PCDH11X: variants seen among roughly 807,000 people sequenced by gnomAD.
PCDH11X encodes the protein protocadherin-11 X-linked.
A neutral mutation model predicts 53.3 loss-of-function variants in PCDH11X; 18 were observed. The observed-to-expected ratio is 0.34, with a 90% CI of 0.23 to 0.50. PCDH11X has a LOEUF of 0.50. PCDH11X is among the 20% of genes least tolerant of loss of function. PCDH11X has a pLI of 0.98. For synonymous variants in PCDH11X, 279 were observed against 393.3 expected, an observed-to-expected ratio of 0.71 and a Z score of 3.44; for missense variants, 570 against 1,032.4, an observed-to-expected ratio of 0.55 and a Z score of 6.14.
At chrX:91,856,754 A>G (rs919347653) in intron 5 of PCDH11X, among the ~76,000 whole-genome samples, 1 of 110,429 alleles carries the variant, frequency 9.1e-6, no homozygotes, top group Admixed American at 9.7e-5. Context: ...TTCCATCTCC[A>G]CCCATGTTAC....
intron 10 of PCDH11X, among the ~76,000 whole-genome samples, chrX:92,523,268 C>T (rs1231559052): frequency 9.0e-6 from 1 of 111,191 alleles, no homozygotes; most frequent in African/African-American, 3.3e-5. Flanking sequence ...GTACTCAGCC[C>T]ACTGGCTTCT....
intron 7 of PCDH11X, among the ~76,000 whole-genome samples, chrX:92,203,688 G>A (rs2066429266): frequency 8.9e-6 from 1 of 112,073 alleles, no homozygotes; most frequent in African/African-American, 3.2e-5. Flanking sequence ...GAGGATGGAA[G>A]TTTTTAAGGA....
chrX:92,433,451 A>G (rs1318746058), intron 9 of PCDH11X, among the ~76,000 whole-genome samples: 1 of 110,764 alleles, frequency 9.0e-6, no homozygotes, highest in Admixed American at 9.7e-5. Context: ...TTATTAACAG[A>G]AAGTCTTCTG....
At chrX:92,365,024 G>A (rs1301212363) in intron 8 of PCDH11X, among the ~76,000 whole-genome samples, 15 of 77,420 alleles carry the variant, frequency 1.9e-4, no homozygotes, top group Non-Finnish European at 3.4e-4. Flanking sequence ...AATAACTAAT[G>A]CACAAACATT....
rs944212139 is a variant in PCDH11X at position 91,924,679 on chromosome X, T to C, written c.3033+45406T>C. ...ATCCTTGCATCTATCTAGAATCTAT[T>C]GCTGGCTTTGTTTTTTGTGGGACTT... On this transcript the variant is annotated intron_variant, in intron 6 of 10. Coordinates refer to ENST00000682573, the MANE Select transcript of PCDH11X (RefSeq NM_032968.5). Among the ~76,000 whole-genome samples the C allele has an allele frequency of 1.4e-4, 16 of 111,868 alleles. No homozygotes were observed. The Admixed American group carries it at 1.5e-3, about 11-fold the overall frequency.
chrX:92,403,328 C>CTTTTT (rs1569481407), intron 9 of PCDH11X, among the ~76,000 whole-genome samples: 1 of 54,903 alleles, frequency 1.8e-5, no homozygotes. Flanking sequence ...CGGGCATTTA[C>CTTTTT]GTTTTTTTTT....
intron 8 of PCDH11X, among the ~76,000 whole-genome samples, chrX:92,275,866 A>G (rs1464154053): frequency 2.7e-5 from 3 of 110,460 alleles, no homozygotes; most frequent in African/African-American, 6.6e-5. Context: ...TAAGGGGTGC[A>G]TGATCAGTCC....
chrX:91,961,463 C>A (rs1318037131), intron 6 of PCDH11X, among the ~76,000 whole-genome samples: 2 of 110,908 alleles, frequency 1.8e-5, no homozygotes, highest in Non-Finnish European at 3.8e-5. Flanking sequence ...GGCAATGAGG[C>A]AAGAGAAAGA....
chrX:92,300,351 ACT>A (rs1351219089), intron 8 of PCDH11X, among the ~76,000 whole-genome samples: 48 of 110,694 alleles, frequency 4.3e-4, no homozygotes, highest in African/African-American at 1.6e-3. Context: ...GTAAGAAGAC[ACT>A]CTGGCTTTTT....
intron 9 of PCDH11X, among the ~76,000 whole-genome samples, chrX:92,453,112 G>A (rs185650835): frequency 0.017 from 1,742 of 104,727 alleles, 46 homozygotes; most frequent in African/African-American, 0.06. Context: ...AAATGTAACC[G>A]GTAATGACAC....
At chrX:91,874,073 T>A (rs1256879116) in intron 5 of PCDH11X, among the ~76,000 whole-genome samples, 3 of 111,112 alleles carry the variant, frequency 2.7e-5, no homozygotes, top group Non-Finnish European at 3.8e-5. Flanking sequence ...AGTATTGGAA[T>A]GTCAAGGATT....
At chrX:92,602,311 T>C (rs1926325748) in intron 10 of PCDH11X, among the ~76,000 whole-genome samples, 1 of 111,862 alleles carries the variant, frequency 8.9e-6, no homozygotes, top group Non-Finnish European at 1.9e-5. Context: ...AAAATAAAAA[T>C]TACATTAAAA....
intron 9 of PCDH11X, among the ~76,000 whole-genome samples, chrX:92,433,943 T>C (rs1200603017): frequency 7.2e-5 from 8 of 110,373 alleles, no homozygotes; most frequent in South Asian, 3.8e-4. Flanking sequence ...GTAGCCTTCC[T>C]ATAAGCAGAA....
At chrX:92,056,859 T>TA (rs1342194476) in intron 6 of PCDH11X, among the ~76,000 whole-genome samples, 4 of 108,870 alleles carry the variant, frequency 3.7e-5, no homozygotes, top group Non-Finnish European at 7.7e-5. Context: ...CACTTATATG[T>TA]AAAAAACATT....
In PCDH11X at chrX:92,098,900, G is replaced by A. The variant is rs1379673660; in HGVS notation, c.3034-102475G>A. Among the ~76,000 whole-genome samples, 4 of 110,772 alleles carry A rather than the reference G, an allele frequency of 3.6e-5. No homozygotes were observed. In the East Asian group the frequency reaches 1.1e-3, roughly 31 times the overall value. On this transcript the variant is annotated intron_variant, in intron 6 of 10. Transcript: ENST00000682573. The stretch of plus-strand genomic sequence containing the variant: ...AACCTCAGGTGATCAGCCCATCTCA[G>A]CCTCCCAAAGTGCTGGGATTACAGG...
intron 8 of PCDH11X, among the ~76,000 whole-genome samples, chrX:92,274,571 G>C (rs1459398310): frequency 9.0e-6 from 1 of 111,368 alleles, no homozygotes; most frequent in Non-Finnish European, 1.9e-5. Context: ...CGGACATGTT[G>C]AGTAAAGCTA....
intron 8 of PCDH11X, chrX:92,287,852 A>G: frequency 4.3e-6 from 2 of 467,347 alleles, no homozygotes; most frequent in East Asian, 3.8e-5. Context: ...TCATGGGGGC[A>G]TATTTCTCCC....
chrX:91,868,682 AT>A (rs1271922168), intron 5 of PCDH11X, among the ~76,000 whole-genome samples: 1 of 111,672 alleles, frequency 9.0e-6, no homozygotes, highest in Non-Finnish European at 1.9e-5. Flanking sequence ...CTTTAGTTTT[AT>A]TTTCCTGATA....
At chrX:92,081,386 T>C (rs2063854239) in intron 6 of PCDH11X, among the ~76,000 whole-genome samples, 1 of 109,706 alleles carries the variant, frequency 9.1e-6, no homozygotes, top group African/African-American at 3.3e-5. Context: ...TGTACATGTT[T>C]CCCTCCCCAG....
Sources: gnomAD v4.1 joint callset for allele counts (sites outside exome capture counted in the v4.1 genomes callset) on GRCh38, gnomAD v4.1.1 for gene constraint, MANE v1.5 for transcripts, NCBI Gene and HGNC (gene_info 2026-07-23, HGNC 2026-07-21) for gene names.